The following NFIC variants were observed in gnomAD, a reference collection of about 807,000 sequenced individuals.
The protein encoded by NFIC is nuclear factor I C.
Under a neutral mutation model 54.4 loss-of-function variants are expected in NFIC, and 12 were observed. That is an observed-to-expected ratio of 0.22 (90% CI 0.14 to 0.36). NFIC has a LOEUF of 0.36. NFIC is among the 10% of genes least tolerant of loss of function. The probability of loss-of-function intolerance (pLI) is 1.00; values close to 1 mark genes in which losing one functional copy is unlikely to be tolerated. For missense variants in NFIC, 575 were observed against 718.2 expected, an observed-to-expected ratio of 0.80 and a Z score of 2.28; for synonymous variants, 322 against 319.2, an observed-to-expected ratio of 1.01 and a Z score of -0.09.
In NFIC at chr19:3,467,401, C is replaced by T. The variant is rs1191636995; in HGVS notation, c.*4632C>T. The T allele has an allele frequency of 6.6e-6, 1 of 151,702 alleles. No individual in the cohort carries two copies. Among genetic ancestry groups the T allele is most frequent in the Admixed American group, 6.6e-5 (1 of 15,260 alleles). The allele number at this position is 151,702 out of a possible 1,614,324, so 9.4% of individuals were successfully genotyped here. ...ACTGGGGAGAGGAGGATCTGGAGTC[C>T]TTCATGCCCAGGTCTGGAACCCAGG... On this transcript the variant is annotated 3_prime_UTR_variant, in exon 11 of 11. Coordinates refer to ENST00000443272, the MANE Select transcript of NFIC (RefSeq NM_001245002.2).
chr19:3,462,990 C>T lies in NFIC; in HGVS notation c.*221C>T. ...GAAGAAGAAGAAATAAAAACCCACC[C>T]AAGCAAGAAGACAAAAGGTAAAGAC... On this transcript the variant is annotated 3_prime_UTR_variant, in exon 11 of 11. Coordinates refer to ENST00000443272, the MANE Select transcript of NFIC (RefSeq NM_001245002.2). The T allele has an allele frequency of 7.1e-7, 1 of 1,411,592 alleles. No individual in the cohort carries two copies. The highest frequency in any genetic ancestry group is 9.2e-7 in the Non-Finnish European group (1 of 1,089,680). The allele number at this position is 1,411,592 out of a possible 1,614,324, so 87.4% of individuals were successfully genotyped here. A position where few individuals can be genotyped will look rare whatever the true frequency, so the allele number is the denominator to read the frequency against.
Position 3,463,620 on chromosome 19 carries a change from G to GCCCC in NFIC, c.*852_*855dup. Reference sequence around the variant, plus strand: ...AGAAGTCTCTATGCAATTGGCCCCGGCCCCTCCACCCCCCACCCCCGGCAT... The same window carrying GCCCC: ...AGAAGTCTCTATGCAATTGGCCCCGGCCCCCCCCTCCACCCCCCACCCCCGGCAT... On this transcript the variant is annotated 3_prime_UTR_variant, in exon 11 of 11. Coordinates refer to ENST00000443272, the MANE Select transcript of NFIC (RefSeq NM_001245002.2). The GCCCC allele has an allele frequency of 3.4e-6, 3 of 881,794 alleles. No homozygotes were observed. Among genetic ancestry groups the GCCCC allele is most frequent in the Non-Finnish European group, 2.7e-6 (2 of 738,542 alleles). The allele number at this position is 881,794 out of a possible 1,614,324, so 54.6% of individuals were successfully genotyped here. A position where few individuals can be genotyped will look rare whatever the true frequency, so the allele number is the denominator to read the frequency against.
intron 2 of NFIC, among the ~76,000 whole-genome samples, chr19:3,400,541 G>T (rs2145534960): frequency 6.6e-6 from 1 of 151,646 alleles, no homozygotes; most frequent in East Asian, 2.0e-4. Flanking sequence ...CAAAGAACAA[G>T]AAATAAATGT....
chr19:3,378,073 C>T (rs904860382), intron 1 of NFIC, among the ~76,000 whole-genome samples: 15 of 151,680 alleles, frequency 9.9e-5, no homozygotes, highest in African/African-American at 3.6e-4. Context: ...GGTGAAACCC[C>T]ATCTCTACTA....
chr19:3,431,566 G>C (rs1010202081), intron 3 of NFIC, among the ~76,000 whole-genome samples: 2 of 150,188 alleles, frequency 1.3e-5, no homozygotes, highest in African/African-American at 4.9e-5. Flanking sequence ...ATGGGGTTTC[G>C]CCATGTTGCC....
intron 2 of NFIC, among the ~76,000 whole-genome samples, chr19:3,384,470 T>C (rs1440438189): frequency 2.0e-5 from 3 of 150,708 alleles, no homozygotes; most frequent in African/African-American, 4.9e-5. Context: ...CTCACTGCAA[T>C]CTCCACCTCC....
At chr19:3,413,494 T>C (rs531638610) in intron 2 of NFIC, among the ~76,000 whole-genome samples, 37 of 152,250 alleles carry the variant, frequency 2.4e-4, no homozygotes, top group African/African-American at 8.7e-4. Context: ...TGTCTAGCTT[T>C]GTGCCTCAGT....
intron 1 of NFIC, among the ~76,000 whole-genome samples, chr19:3,372,229 C>T (rs977881631): frequency 7.9e-5 from 12 of 152,158 alleles, no homozygotes; most frequent in African/African-American, 2.9e-4. Context: ...CCATGTTGGC[C>T]AGGCTGGTCT....
At chr19:3,419,138 T>C (rs2081913671) in intron 2 of NFIC, among the ~76,000 whole-genome samples, 1 of 152,056 alleles carries the variant, frequency 6.6e-6, no homozygotes, top group Non-Finnish European at 1.5e-5. Context: ...GAGTAGAAAG[T>C]TCTGGAGAGG....
chr19:3,394,355 C>T (rs1365461907), intron 2 of NFIC, among the ~76,000 whole-genome samples: 1 of 151,944 alleles, frequency 6.6e-6, no homozygotes, highest in Non-Finnish European at 1.5e-5. Context: ...TGGCGTGAAC[C>T]TGCGGTCCCA....
At chr19:3,431,147 G>A (rs1397760085) in intron 3 of NFIC, among the ~76,000 whole-genome samples, 3 of 151,306 alleles carry the variant, frequency 2.0e-5, no homozygotes, top group Non-Finnish European at 2.9e-5. Flanking sequence ...CGCGATCTCG[G>A]CCTGTAGCTG....
chr19:3,402,999 C>T (rs767561886), intron 2 of NFIC, among the ~76,000 whole-genome samples: 18 of 152,130 alleles, frequency 1.2e-4, no homozygotes, highest in Non-Finnish European at 1.9e-4. Flanking sequence ...CATTCCTTTC[C>T]CTGACAAGCA....
In NFIC at chr19:3,396,742, G is replaced by A. The variant is rs139603986; in HGVS notation, c.562+14499G>A. ...AGGCCAAGGTGGGTGGATCACCTGA[G>A]ATCAGGAGTTCGAGACCAGTCTGGC... On this transcript the variant is annotated intron_variant, in intron 2 of 10. Transcript: ENST00000443272. Among the ~76,000 whole-genome samples the A allele has an allele frequency of 1.3e-3, 204 of 152,352 alleles. 1 individual carries two copies. The highest frequency in any genetic ancestry group is 4.8e-3 in the African/African-American group (198 of 41,582).
intron 1 of NFIC, among the ~76,000 whole-genome samples, chr19:3,373,621 C>G (rs879603259): frequency 9.0e-6 from 1 of 111,680 alleles, no homozygotes; most frequent in Non-Finnish European, 1.7e-5. Context: ...TCCTGGACCC[C>G]CCCCCCAAGC....
rs1288174115 is a variant in NFIC at position 3,459,472 on chromosome 19, C to T, written c.1509+2837C>T. Among the ~76,000 whole-genome samples the T allele has an allele frequency of 3.9e-5, 6 of 152,256 alleles. No individual in the cohort carries two copies. In the South Asian group the frequency reaches 1.2e-3, roughly 32 times the overall value. ...GGTAAACCGAGGGTGGGGGGCAAGG[C>T]GGGCATTGAGCCACATGCCGGGAGC... is the stretch of plus-strand genomic sequence containing the variant. On this transcript the variant is annotated intron_variant, in intron 10 of 10. Coordinates refer to ENST00000443272, the MANE Select transcript of NFIC (RefSeq NM_001245002.2). This position sits in a 1 kb window ranked among gnomAD's most constrained non-coding sequence, Gnocchi z 4.2.
intron 6 of NFIC, among the ~76,000 whole-genome samples, chr19:3,435,887 C>T (rs1243858356): frequency 6.6e-6 from 1 of 151,468 alleles, no homozygotes; most frequent in Non-Finnish European, 1.5e-5. Flanking sequence ...AGTGCAATGG[C>T]GCGATCTCCG....
At chr19:3,417,792 A>AC (rs1555751209) in intron 2 of NFIC, among the ~76,000 whole-genome samples, 1 of 132,594 alleles carries the variant, frequency 7.5e-6, no homozygotes, top group African/African-American at 2.8e-5. Flanking sequence ...CGCCCGGCTA[A>AC]TTTTTTTTTT....
intron 6 of NFIC, among the ~76,000 whole-genome samples, chr19:3,436,558 C>T (rs891077395): frequency 1.3e-5 from 2 of 150,916 alleles, no homozygotes; most frequent in Admixed American, 6.6e-5. Flanking sequence ...TCACTGCAAC[C>T]CTTCCTCCTG....
intron 1 of NFIC, among the ~76,000 whole-genome samples, chr19:3,373,891 CA>C (rs1367005840): frequency 6.6e-6 from 1 of 152,084 alleles, no homozygotes; most frequent in Non-Finnish European, 1.5e-5. Flanking sequence ...GGGAGCCGTT[CA>C]CATGTCCACA....
Sources: gnomAD v4.1 joint callset for allele counts (sites outside exome capture counted in the v4.1 genomes callset) on GRCh38, gnomAD v4.1.1 for gene constraint, Gnocchi (gnomAD v3.1) non-coding constraint, MANE v1.5 for transcripts, NCBI Gene and HGNC (gene_info 2026-07-23, HGNC 2026-07-21) for gene names.